The following ZNF276 variants were observed in gnomAD, a reference collection of about 807,000 sequenced individuals.
The protein encoded by ZNF276 is centromere protein Z.
ZNF276 carries 59 observed loss-of-function variants against 63.9 expected under a neutral mutation model. The ratio of observed to expected loss-of-function variants is 0.92; its 90% CI spans 0.75 to 1.15. The LOEUF (loss-of-function observed/expected upper bound fraction) is 1.15, where lower values mean the gene tolerates loss of function less well. Ranked by LOEUF, ZNF276 falls within the 50% of genes most tolerant of loss-of-function variation. The pLI is 0.00. For synonymous variants in ZNF276, 496 were observed against 348.4 expected (o/e 1.42, Z -4.72); for missense variants, 1,084 against 843.8 (o/e 1.28, Z -3.53).
At chr16:89,732,191 A>C (rs909779567) in intron 6 of ZNF276, 1 of 152,266 alleles carries the variant, frequency 6.6e-6, no homozygotes, top group African/African-American at 2.4e-5. Flanking sequence ...ATAGACGCAC[A>C]CTGGAAGCTG....
intron 6 of ZNF276, 114 bp downstream of exon 6, chr16:89,729,432 C>G: frequency 2.1e-6 from 2 of 935,716 alleles, no homozygotes; most frequent in South Asian, 1.5e-5. Context: ...GTGTGCGGAT[C>G]TCCCGAGCCC....
At position 89,740,506 on chromosome 16, in the gene ZNF276, C is replaced by T. The variant is rs573789488; in HGVS notation, c.*2260C>T. 3.2e-4 allele frequency: 158 copies of T among 489,266 alleles called. 2 individuals are homozygous for T. The highest frequency in any genetic ancestry group is 2.9e-3 in the South Asian group (129 of 43,754). The allele number at this position is 489,266 out of a possible 1,614,324, so 30.3% of individuals were successfully genotyped here. On this transcript the variant is annotated 3_prime_UTR_variant, in exon 11 of 11. Coordinates refer to ENST00000443381, the MANE Select transcript of ZNF276 (RefSeq NM_001113525.2). ...AAAAATTAGCCGGGTGTGACAGACT[C>T]ACGCCTGTAATCCCAGCTACTCGGG... is the stretch of plus-strand genomic sequence containing the variant.
At chr16:89,734,155 A>ATG in intron 9 of ZNF276, 117 bp downstream of exon 9, 1 of 912,486 alleles carries the variant, frequency 1.1e-6, no homozygotes. Context: ...AAGGTGGCTC[A>ATG]TGGGGTCTTT....
chr16:89,737,737 T>TA, intron 9 of ZNF276, 69 bp from the exon 10 acceptor site: 1 of 1,604,566 alleles, frequency 6.2e-7, no homozygotes, highest in Non-Finnish European at 8.5e-7. Context: ...TGGTTTCACA[T>TA]TGTCATCGTC....
intron 5 of ZNF276, among the ~76,000 whole-genome samples, chr16:89,728,478 A>C (rs908642473): frequency 1.3e-5 from 2 of 151,928 alleles, no homozygotes; most frequent in African/African-American, 4.8e-5. Flanking sequence ...ATCTCGGCTC[A>C]CTGCAAGCTC....
rs770282073 is a variant in ZNF276, at chr16:89,738,737, A to C, written c.*491A>C. The C allele has an allele frequency of 1.9e-6, 3 of 1,613,234 alleles. No individual in the cohort carries two copies. Among genetic ancestry groups the C allele is most frequent in the Non-Finnish European group, 2.5e-6 (3 of 1,179,652 alleles). On this transcript the variant is annotated 3_prime_UTR_variant, in exon 11 of 11. Transcript: ENST00000443381. ...TGAGAGAGGAGCAGGTCCTCAGCCCATGCCGCCCACTAGGCCTCAGACCAC... is the reference window on the plus strand; with the variant it reads ...TGAGAGAGGAGCAGGTCCTCAGCCCCTGCCGCCCACTAGGCCTCAGACCAC...
rs2062101807 is a variant in ZNF276 at position 89,740,470 on chromosome 16, A to C, written c.*2224A>C. On this transcript the variant is annotated 3_prime_UTR_variant, in exon 11 of 11. Transcript: ENST00000443381. ...GGCAATATGGTGAAACCCCGTCTCTACTAAAAATACAAAAATTAGCCGGGT... is the reference window on the plus strand; with the variant it reads ...GGCAATATGGTGAAACCCCGTCTCTCCTAAAAATACAAAAATTAGCCGGGT... 2.2e-6 allele frequency: 1 copy of C among 460,634 alleles called. No individual in the cohort carries two copies. The highest frequency in any genetic ancestry group is 3.7e-5 in the Admixed American group (1 of 27,008). The allele number at this position is 460,634 out of a possible 1,614,324, so 28.5% of individuals were successfully genotyped here.
Position 89,738,111 on chromosome 16 carries a change from T to C in ZNF276, c.1710T>C (p.Asn570=), listed in dbSNP as rs1191847655. Residue 570 remains asparagine (N), a synonymous_variant, in exon 11 of 11, where the codon AAT becomes AAC. Transcript: ENST00000443381. The stretch of plus-strand genomic sequence containing the variant: ...GGTTTGAGAAGGCCCACAACCTCAA[T>C]GTACACATGTCCATGGTGCACCCGC... ...GRRFEKAHNL[N]VHMSMVHPLT... 14 of 1,613,920 alleles carry C rather than the reference T, an allele frequency of 8.7e-6. No homozygotes were observed. The Middle Eastern group carries it at 4.9e-4, about 57-fold the overall frequency.
Position 89,729,244 on chromosome 16 carries a change from G to C in ZNF276, c.1095G>C (p.Leu365Phe). The change falls in exon 6 of 11, where the codon TTG becomes TTC. Residue 365 changes from leucine (L) to phenylalanine (F), a missense_variant. Leu to Phe is a conservative substitution (Grantham distance 22, BLOSUM62 0). Transcript: ENST00000443381. ...CTCTCTTAATTCCTAGAGACGTCTT[G>C]AGTGAAGATGAAAATGACAAGAAGC... ...EFSDLSEGDV[L>F]SEDENDKKQN... The C allele has an allele frequency of 2.5e-6, 4 of 1,614,088 alleles. No individual in the cohort carries two copies. The highest frequency in any genetic ancestry group is 1.7e-5 in the Admixed American group (1 of 60,022).
rs1419992781 is a variant in ZNF276, at chr16:89,733,422, G to A, written c.1280+10G>A. The stretch of plus-strand genomic sequence containing the variant: ...AGCTTCGTTGTGAGAGGTGATGCCT[G>A]CAACGCGAGGCTCGCCCTGCCTGTC... On this transcript the variant is annotated intron_variant, in intron 7 of 10. Coordinates refer to ENST00000443381, the MANE Select transcript of ZNF276 (RefSeq NM_001113525.2). The A allele has an allele frequency of 1.2e-6, 2 of 1,614,054 alleles. No individual in the cohort carries two copies. Among genetic ancestry groups the A allele is most frequent in the Non-Finnish European group, 1.7e-6 (2 of 1,179,912 alleles).
chr16:89,727,178 A>T, intron 4 of ZNF276, 101 bp from the exon 5 acceptor site: 1 of 1,217,716 alleles, frequency 8.2e-7, no homozygotes, highest in Non-Finnish European at 1.2e-6. Flanking sequence ...CAGGGACCCC[A>T]GTCTCCCTTC....
At chr16:89,727,887 G>A (rs2151675503) in intron 5 of ZNF276, among the ~76,000 whole-genome samples, 1 of 152,334 alleles carries the variant, frequency 6.6e-6, no homozygotes, top group Admixed American at 6.5e-5. Context: ...GGTGTTGCAG[G>A]AGGACGGGCC....
At chr16:89,722,946 G>A (rs2061347352) in intron 2 of ZNF276, 112 bp downstream of exon 2, 1 of 1,555,846 alleles carries the variant, frequency 6.4e-7, no homozygotes, top group East Asian at 2.3e-5. Context: ...GGGGGAATGG[G>A]CCATGCCCGG....
At chr16:89,728,806 G>T (rs748184165) in intron 5 of ZNF276, among the ~76,000 whole-genome samples, 13 of 152,174 alleles carry the variant, frequency 8.5e-5, no homozygotes, top group Non-Finnish European at 1.8e-4. Context: ...CAAAGTGCTG[G>T]GATTACAGGA....
intron 6 of ZNF276, among the ~76,000 whole-genome samples, chr16:89,729,611 C>G (rs923894628): frequency 6.6e-6 from 1 of 152,182 alleles, no homozygotes; most frequent in Non-Finnish European, 1.5e-5. Flanking sequence ...AGAACCCCGC[C>G]TTGCTTGAGA....
At position 89,738,912 on chromosome 16, in the gene ZNF276, G is replaced by A. The variant is rs2062043901; in HGVS notation, c.*666G>A. The A allele has an allele frequency of 6.2e-7, 1 of 1,614,226 alleles. No individual in the cohort carries two copies. Among genetic ancestry groups the A allele is most frequent in the Non-Finnish European group, 8.5e-7 (1 of 1,180,046 alleles). On this transcript the variant is annotated 3_prime_UTR_variant, in exon 11 of 11. Transcript: ENST00000443381. ...CCACGTGTGAGAAGCTCTTTTTCGG[G>A]CACCGAGGTATTAACTGCAGCAGAA...
At position 89,723,507 on chromosome 16, in the gene ZNF276, G is replaced by T; in HGVS notation, c.804G>T (p.Ala268=). 1 of 1,612,892 alleles carries T rather than the reference G, an allele frequency of 6.2e-7. No individual in the cohort carries two copies. Among genetic ancestry groups the T allele is most frequent in the East Asian group, 2.2e-5 (1 of 44,880 alleles). ...AVKWPWDKET[A]PRLPQHRGWN... Reference sequence around the variant, plus strand: ...AGTGGCCATGGGACAAAGAGACGGCGCCACGGCTGCCCCAGCACCGAGGGT... The same window carrying T: ...AGTGGCCATGGGACAAAGAGACGGCTCCACGGCTGCCCCAGCACCGAGGGT... The change falls in exon 4 of 11, where the codon GCG becomes GCT. Residue 268 remains alanine, a synonymous_variant. Transcript: ENST00000443381.
chr16:89,725,420 A>G (rs2061438828), intron 4 of ZNF276, among the ~76,000 whole-genome samples: 1 of 151,752 alleles, frequency 6.6e-6, no homozygotes, highest in African/African-American at 2.4e-5. Flanking sequence ...TGACCTCGTG[A>G]TCCACCTGCA....
At chr16:89,720,964 A>G (rs1215904524), upstream of ZNF276, 70 of 1,128,208 alleles carry the variant, frequency 6.2e-5, no homozygotes, top group East Asian at 2.5e-3. Context: ...CGAGCAGCGG[A>G]CCGCAGGAAG....
Sources: allele counts gnomAD v4.1 joint callset (sites outside exome capture counted in the v4.1 genomes callset), GRCh38; gene constraint gnomAD v4.1.1; transcripts MANE v1.5; gene names NCBI Gene and HGNC (gene_info 2026-07-23, HGNC 2026-07-21).